MTUS2: variants seen among roughly 807,000 people sequenced by gnomAD.
The protein encoded by MTUS2 is microtubule associated scaffold protein 2.
A neutral mutation model predicts 114.1 loss-of-function variants in MTUS2; 40 were observed. The observed-to-expected ratio is 0.35, with a 90% CI of 0.27 to 0.46. The LOEUF is 0.46. Ranked by LOEUF, MTUS2 falls within the 20% of genes least tolerant of loss-of-function variation. The pLI, the probability that MTUS2 is intolerant of heterozygous loss-of-function variation, is 1.00. For missense variants in MTUS2, 1,679 were observed against 1,705.4 expected, an observed-to-expected ratio of 0.98 and a Z score of 0.27; for synonymous variants, 688 against 672.0, an observed-to-expected ratio of 1.02 and a Z score of -0.37.
chr13:29,264,291 A>G (rs1416841521), intron 5 of MTUS2, among the ~76,000 whole-genome samples: 3 of 152,220 alleles, frequency 2.0e-5, no homozygotes, highest in Non-Finnish European at 4.4e-5. Context: ...TAGCTCCCCC[A>G]CTGTGGCTTT....
chr13:29,203,835 C>A (rs930892133), intron 5 of MTUS2, among the ~76,000 whole-genome samples: 1 of 152,162 alleles, frequency 6.6e-6, no homozygotes, highest in Non-Finnish European at 1.5e-5. Context: ...TGCTTCATCT[C>A]ACCCCCCATG....
intron 4 of MTUS2, among the ~76,000 whole-genome samples, chr13:29,036,073 G>C (rs1887049450): frequency 6.8e-6 from 1 of 148,078 alleles, no homozygotes; most frequent in Admixed American, 6.9e-5. Context: ...GAACCCAAGA[G>C]ACAGAGGCTA....
chr13:29,245,062 C>CA (rs999069528), intron 5 of MTUS2, among the ~76,000 whole-genome samples: 2 of 146,732 alleles, frequency 1.4e-5, no homozygotes, highest in African/African-American at 5.1e-5. Context: ...AGATTGAAAA[C>CA]ATCCTATAAA....
At chr13:29,355,796 A>C (rs1294197320) in intron 7 of MTUS2, among the ~76,000 whole-genome samples, 1 of 152,214 alleles carries the variant, frequency 6.6e-6, no homozygotes, top group Non-Finnish European at 1.5e-5. Context: ...AAGGAAGTAC[A>C]TTGGAGATAA....
intron 2 of MTUS2, among the ~76,000 whole-genome samples, chr13:28,954,282 A>G (rs1211729255): frequency 6.6e-6 from 1 of 152,162 alleles, no homozygotes; most frequent in East Asian, 1.9e-4. Context: ...TGACTGTGAC[A>G]ATGACAGTCA....
At chr13:29,444,341 A>G (rs1878119969) in intron 9 of MTUS2, among the ~76,000 whole-genome samples, 1 of 152,222 alleles carries the variant, frequency 6.6e-6, no homozygotes, top group African/African-American at 2.4e-5. Flanking sequence ...AGGCAGGAGA[A>G]TCGCTTGAAC....
intron 4 of MTUS2, among the ~76,000 whole-genome samples, chr13:29,078,657 T>A (rs1889304003): frequency 6.6e-6 from 1 of 152,218 alleles, no homozygotes; most frequent in African/African-American, 2.4e-5. Context: ...AAGCCCCAGT[T>A]CTGGGAAACC....
In MTUS2 at chr13:29,360,701, C is replaced by G. The variant is rs113818192; in HGVS notation, c.3117+1228C>G. Among the ~76,000 whole-genome samples the G allele has an allele frequency of 2.2e-4, 20 of 91,280 alleles. 1 individual carries two copies. The South Asian group carries it at 7.8e-3, about 36-fold the overall frequency. 59.9% of individuals were successfully genotyped at this position (91,280 alleles called of 152,430 possible). A position where few individuals can be genotyped will look rare whatever the true frequency, so the allele number is the denominator to read the frequency against. On this transcript the variant is annotated intron_variant, in intron 8 of 15. Transcript: ENST00000612955. ...AAGTAGCCGAACACCCCCCCCCCCCCGTAAGAATTAAAGTTACAAACACGT... is the reference window on the plus strand; with the variant it reads ...AAGTAGCCGAACACCCCCCCCCCCCGGTAAGAATTAAAGTTACAAACACGT...
intron 5 of MTUS2, among the ~76,000 whole-genome samples, chr13:29,178,283 AT>A (rs1430752829): frequency 2.0e-5 from 3 of 152,094 alleles, no homozygotes; most frequent in African/African-American, 7.2e-5. Flanking sequence ...TACTTTGTCA[AT>A]TTTTGTTTGG....
At chr13:28,941,069 C>CAAAA (rs5802498) in intron 2 of MTUS2, among the ~76,000 whole-genome samples, 5 of 149,036 alleles carry the variant, frequency 3.4e-5, no homozygotes, top group Admixed American at 1.3e-4. Context: ...TACTACAAAG[C>CAAAA]AAAAAAAAAA....
In MTUS2 at chr13:29,320,519, C is replaced by G. The variant is rs558352064; in HGVS notation, c.2807-4094C>G. 5.8e-3 allele frequency among the ~76,000 whole-genome samples: 879 copies of G among 152,310 alleles called. 7 individuals carry two copies. The highest frequency in any genetic ancestry group is 0.02 in the African/African-American group (841 of 41,570). ...AGGCAGACAAGGGAGAGGCTGAGCA[C>G]TCAGCCTCCGTGAACAGCACAGGCT... On this transcript the variant is annotated intron_variant, in intron 6 of 15. Coordinates refer to ENST00000612955, the MANE Select transcript of MTUS2 (RefSeq NM_001033602.4).
At chr13:28,902,772 G>A (rs1009668314) in intron 2 of MTUS2, among the ~76,000 whole-genome samples, 8 of 152,010 alleles carry the variant, frequency 5.3e-5, no homozygotes, top group East Asian at 1.9e-4. Context: ...ATTGATCTGT[G>A]GACTGTCTTT....
intron 5 of MTUS2, among the ~76,000 whole-genome samples, chr13:29,180,317 T>C (rs567773356): frequency 6.6e-6 from 1 of 152,314 alleles, no homozygotes; most frequent in South Asian, 2.1e-4. Flanking sequence ...AAATGGGTTA[T>C]GAACACAGAC....
chr13:28,917,273 T>C (rs1880796198), intron 2 of MTUS2, among the ~76,000 whole-genome samples: 2 of 151,960 alleles, frequency 1.3e-5, no homozygotes, highest in Admixed American at 1.3e-4. Flanking sequence ...AATACTGTCC[T>C]TGTAGAATGA....
At chr13:29,389,117 G>A (rs2138406385) in intron 8 of MTUS2, among the ~76,000 whole-genome samples, 2 of 150,862 alleles carry the variant, frequency 1.3e-5, no homozygotes, top group South Asian at 2.1e-4. Context: ...AATGATCTAA[G>A]TTGTTTTAAT....
At chr13:29,193,272 G>A (rs1894522187) in intron 5 of MTUS2, among the ~76,000 whole-genome samples, 1 of 152,080 alleles carries the variant, frequency 6.6e-6, no homozygotes, top group African/African-American at 2.4e-5. Context: ...GAAAGGGGGA[G>A]AGTAGTAGTA....
At chr13:29,216,067 A>G (rs1895668167) in intron 5 of MTUS2, among the ~76,000 whole-genome samples, 1 of 152,262 alleles carries the variant, frequency 6.6e-6, no homozygotes, top group African/African-American at 2.4e-5. Context: ...TCTTTCTGAG[A>G]TGACCTGCCC....
intron 4 of MTUS2, among the ~76,000 whole-genome samples, chr13:29,047,785 C>G (rs1030283484): frequency 6.6e-6 from 1 of 152,200 alleles, no homozygotes; most frequent in Non-Finnish European, 1.5e-5. Context: ...GCTGGGATTA[C>G]AGGCGTGAGC....
At chr13:28,855,724 G>A (rs150569764) in intron 2 of MTUS2, among the ~76,000 whole-genome samples, 2 of 152,150 alleles carry the variant, frequency 1.3e-5, no homozygotes, top group East Asian at 1.9e-4. Flanking sequence ...GAATAGTCCC[G>A]TACTGAACAT....
Sources: gnomAD v4.1 joint callset for allele counts (sites outside exome capture counted in the v4.1 genomes callset) on GRCh38, gnomAD v4.1.1 for gene constraint, MANE v1.5 for transcripts, NCBI Gene and HGNC (gene_info 2026-07-23, HGNC 2026-07-21) for gene names.